MTMR2: variants seen among roughly 807,000 people sequenced by gnomAD.
The protein encoded by MTMR2 is phosphatidylinositol-3,5-bisphosphate 3-phosphatase MTMR2.
A neutral mutation model predicts 86.9 loss-of-function variants in MTMR2; 55 were observed. That is an observed-to-expected ratio of 0.63 (90% CI 0.51 to 0.79). The LOEUF (loss-of-function observed/expected upper bound fraction) is 0.79. Among genes scored for constraint, MTMR2 ranks in the 30% least tolerant of loss-of-function variants. The pLI is 0.00. For missense variants in MTMR2, 659 were observed against 772.3 expected (o/e 0.85, Z 1.74); for synonymous variants, 241 against 266.8 (o/e 0.90, Z 0.94).
intron 12 of MTMR2, among the ~76,000 whole-genome samples, chr11:95,840,386 A>G (rs1399589002): frequency 6.6e-6 from 1 of 152,144 alleles, no homozygotes; most frequent in Non-Finnish European, 1.5e-5. Context: ...TGGGTCAAAC[A>G]TCCAAAAAAG....
At chr11:95,843,566 T>G (rs1246798085) in intron 11 of MTMR2, among the ~76,000 whole-genome samples, 3 of 152,208 alleles carry the variant, frequency 2.0e-5, no homozygotes, top group Non-Finnish European at 1.5e-5. Context: ...TACTTTCTGC[T>G]TTTCCACTTA....
intron 1 of MTMR2, chr11:95,913,185 T>C (rs1866574010): frequency 6.6e-6 from 1 of 152,104 alleles, no homozygotes; most frequent in African/African-American, 2.4e-5. Context: ...TATAATCTTA[T>C]ACATCCTATA....
chr11:95,897,140 A>T (rs1484720902), intron 1 of MTMR2, among the ~76,000 whole-genome samples: 1 of 151,994 alleles, frequency 6.6e-6, no homozygotes, highest in Non-Finnish European at 1.5e-5. Flanking sequence ...TGAAAATCCC[A>T]TGAGAGCTAT....
At chr11:95,919,793 C>G (rs773161834) in intron 1 of MTMR2, among the ~76,000 whole-genome samples, 3 of 152,146 alleles carry the variant, frequency 2.0e-5, no homozygotes, top group African/African-American at 4.8e-5. Context: ...ACAAACAAGA[C>G]CAGTGGTGAA....
chr11:95,869,392 C>T (rs900076061), intron 2 of MTMR2, among the ~76,000 whole-genome samples: 4 of 152,218 alleles, frequency 2.6e-5, no homozygotes, highest in African/African-American at 4.8e-5. Context: ...AAGTTTTCAC[C>T]GCCTTTTACC....
chr11:95,902,395 C>G (rs1430126939), intron 1 of MTMR2, among the ~76,000 whole-genome samples: 1 of 152,132 alleles, frequency 6.6e-6, no homozygotes, highest in African/African-American at 2.4e-5. Context: ...AGTGGAAGCC[C>G]CAGATTGTGA....
rs758629389 is a variant in MTMR2 at position 95,850,706 on chromosome 11, C to T, written c.698G>A (p.Arg233Gln). 9 of 1,613,968 alleles carry T rather than the reference C, an allele frequency of 5.6e-6. No individual in the cohort carries two copies. Among genetic ancestry groups the T allele is most frequent in the Admixed American group, 3.3e-5 (2 of 60,014 alleles). The change falls in exon 8 of 15, where the codon CGA (arginine) becomes CAA (glutamine). Residue 233 changes from arginine (R) to glutamine (Q), a missense_variant. Around this residue, in one of 3 missense-constraint regions of MTMR2, gnomAD observed 387 missense variants for 526.3 expected, o/e 0.74. Coordinates refer to ENST00000346299, the MANE Select transcript of MTMR2 (RefSeq NM_016156.6). ...ESWRITKINE[R>Q]YELCDTYPAL... Reference sequence around the variant, plus strand: ...AGGGTATGTATCACAAAGTTCATATCGTTCATTTATCTTTGTTATTCTCCA... The same window carrying T: ...AGGGTATGTATCACAAAGTTCATATTGTTCATTTATCTTTGTTATTCTCCA...
At chr11:95,868,303 A>AAAG (rs1864704790) in intron 2 of MTMR2, among the ~76,000 whole-genome samples, 1 of 68,350 alleles carries the variant, frequency 1.5e-5, no homozygotes, top group Non-Finnish European at 4.4e-5. Context: ...AAAAAAAAAG[A>AAAG]AAGAAAAAGA....
At chr11:95,854,834 G>A (rs1400594626) in intron 7 of MTMR2, among the ~76,000 whole-genome samples, 1 of 150,944 alleles carries the variant, frequency 6.6e-6, no homozygotes, top group African/African-American at 2.4e-5. Context: ...TTTGAGACAG[G>A]GTCTCACTCT....
intron 13 of MTMR2, among the ~76,000 whole-genome samples, chr11:95,837,458 A>ATGAT (rs1863334727): frequency 6.6e-6 from 1 of 152,050 alleles, no homozygotes; most frequent in African/African-American, 2.4e-5. Context: ...ACCAATCAAG[A>ATGAT]TGATTAAGAT....
chr11:95,895,306 A>T (rs1865846209), intron 1 of MTMR2, among the ~76,000 whole-genome samples: 1 of 152,120 alleles, frequency 6.6e-6, no homozygotes, highest in Non-Finnish European at 1.5e-5. Context: ...GTGCTAATGA[A>T]GGAAACAGAA....
intron 1 of MTMR2, chr11:95,907,933 C>T (rs1316620780): frequency 2.4e-6 from 1 of 411,616 alleles, no homozygotes; most frequent in African/African-American, 2.1e-5. Context: ...CCTTAAGAAA[C>T]AGAAAAAGAC....
At chr11:95,844,021 T>C (rs1208589468) in intron 11 of MTMR2, among the ~76,000 whole-genome samples, 1 of 152,150 alleles carries the variant, frequency 6.6e-6, no homozygotes, top group Non-Finnish European at 1.5e-5. Flanking sequence ...TGCCCTTTAA[T>C]TGTCAAGATT....
intron 10 of MTMR2, among the ~76,000 whole-genome samples, chr11:95,845,882 TAAAAA>T (rs201863810): frequency 1.1e-5 from 1 of 90,100 alleles, no homozygotes; most frequent in African/African-American, 5.2e-5. Context: ...TATGGTATCT[TAAAAA>T]AAAAAAAAAA....
chr11:95,848,106 T>C (rs1863873336), intron 9 of MTMR2, among the ~76,000 whole-genome samples: 2 of 152,194 alleles, frequency 1.3e-5, no homozygotes, highest in South Asian at 4.1e-4. Context: ...ATATACGTAG[T>C]CTGACTTGCC....
chr11:95,904,547 C>A (rs182769515), intron 1 of MTMR2, among the ~76,000 whole-genome samples: 9 of 152,274 alleles, frequency 5.9e-5, no homozygotes, highest in East Asian at 1.9e-4. Flanking sequence ...AAACAGCATG[C>A]GGTAAAGAAG....
intron 1 of MTMR2, among the ~76,000 whole-genome samples, chr11:95,891,768 A>G (rs964119198): frequency 4.6e-5 from 7 of 152,150 alleles, no homozygotes; most frequent in Non-Finnish European, 1.0e-4. Context: ...GGAGGGGTAC[A>G]GTGTGGGAAT....
chr11:95,851,254 G>A (rs1050201777), intron 7 of MTMR2, among the ~76,000 whole-genome samples: 9 of 151,678 alleles, frequency 5.9e-5, no homozygotes, highest in African/African-American at 2.2e-4. Context: ...AGTAGAGACG[G>A]GGTTGGCCAG....
At chr11:95,835,572 C>A (rs1265164208) in intron 14 of MTMR2, 121 bp from the exon 15 acceptor site, 4 of 970,776 alleles carry the variant, frequency 4.1e-6, no homozygotes, top group South Asian at 2.7e-5. Context: ...ACCTTTCCAA[C>A]CCATCAGTGA....
Sources: gnomAD v4.1 joint callset for allele counts (sites outside exome capture counted in the v4.1 genomes callset) on GRCh38, gnomAD v4.1.1 for gene constraint, gnomAD v4.1.1 regional missense constraint, MANE v1.5 for transcripts, NCBI Gene and HGNC (gene_info 2026-07-23, HGNC 2026-07-21) for gene names.